ZNF609: variants seen among roughly 807,000 people sequenced by gnomAD.
ZNF609 encodes the protein zinc finger protein 609.
In ZNF609, 11 loss-of-function variants were observed where a neutral mutation model predicts 109.5. That is an observed-to-expected ratio of 0.10 (90% CI 0.06 to 0.17). The LOEUF (loss-of-function observed/expected upper bound fraction) is 0.17. ZNF609 is among the 10% of genes least tolerant of loss of function. The pLI is 1.00. For missense variants in ZNF609, 1,559 were observed against 1,772.4 expected, an observed-to-expected ratio of 0.88 and a Z score of 2.16; for synonymous variants, 646 against 662.0, an observed-to-expected ratio of 0.98 and a Z score of 0.37.
chr15:64,599,169 T>TG (rs1491164892), intron 2 of ZNF609, among the ~76,000 whole-genome samples: 50 of 78,824 alleles, frequency 6.3e-4, no homozygotes, highest in African/African-American at 4.3e-3. Context: ...TTTGTGGTGG[T>TG]TTTTTTTTTT....
intron 8 of ZNF609, 150 bp from the exon 9 acceptor site, chr15:64,681,159 C>A: frequency 1.3e-6 from 1 of 753,728 alleles, no homozygotes; most frequent in Admixed American, 2.3e-5. Context: ...AAACAATCAG[C>A]TGAGAAATAG....
intron 2 of ZNF609, chr15:64,593,033 C>T (rs1174414846): frequency 4.4e-6 from 7 of 1,588,790 alleles, no homozygotes; most frequent in Non-Finnish European, 6.0e-6. Flanking sequence ...CGGCCACATG[C>T]AGCCTATTCG....
chr15:64,595,217 C>T (rs1284685884), intron 2 of ZNF609, among the ~76,000 whole-genome samples: 2 of 151,612 alleles, frequency 1.3e-5, no homozygotes, highest in African/African-American at 2.4e-5. Context: ...AAAAATTAGC[C>T]GGGCGTGGTG....
intron 2 of ZNF609, among the ~76,000 whole-genome samples, chr15:64,566,305 G>C (rs1894777006): frequency 6.6e-6 from 1 of 152,182 alleles, no homozygotes; most frequent in South Asian, 2.1e-4. Context: ...ACTCCAGCTG[G>C]GGCCACAGAT....
At chr15:64,561,552 C>CTTTTTTTTTTTTT (rs771022478) in intron 2 of ZNF609, among the ~76,000 whole-genome samples, 3 of 129,908 alleles carry the variant, frequency 2.3e-5, no homozygotes, top group Non-Finnish European at 5.0e-5. Context: ...TTTTCTTTTT[C>CTTTTTTTTTTTTT]TTTTTTTTTT....
chr15:64,593,295 C>G (rs1895334754), intron 2 of ZNF609: 3 of 1,461,744 alleles, frequency 2.1e-6, no homozygotes, highest in Non-Finnish European at 2.8e-6. Context: ...CCTGCGGGTG[C>G]TGCCCCACGT....
At chr15:64,571,406 T>C (rs1033283633) in intron 2 of ZNF609, among the ~76,000 whole-genome samples, 3 of 152,174 alleles carry the variant, frequency 2.0e-5, no homozygotes, top group African/African-American at 7.2e-5. Flanking sequence ...AAATGTAGAA[T>C]ACATAGAATA....
chr15:64,674,884 C>T lies in ZNF609; in HGVS notation c.2030C>T (p.Thr677Ile). The T allele has an allele frequency of 2.5e-6, 4 of 1,614,170 alleles. No homozygotes were observed. Among genetic ancestry groups the T allele is most frequent in the Non-Finnish European group, 3.4e-6 (4 of 1,180,048 alleles). ...QIYTFQTATF[T>I]AASPGSSSGL... ...TACACCTTCCAGACAGCCACCTTCA[C>T]AGCAGCGAGCCCAGGCTCTTCCTCA... The change falls in exon 5 of 10, where the codon ACA (threonine) becomes ATA (isoleucine). Residue 677 changes from threonine (T) to isoleucine (I), a missense_variant. By Grantham distance (89) the Thr-to-Ile change is moderately conservative (BLOSUM62 -1). Coordinates refer to ENST00000326648, the MANE Select transcript of ZNF609 (RefSeq NM_015042.2).
chr15:64,478,220 G>C (rs954700245), intron 1 of ZNF609, among the ~76,000 whole-genome samples: 45 of 147,290 alleles, frequency 3.1e-4, no homozygotes, highest in African/African-American at 1.1e-3. Context: ...GTGGGGTCTT[G>C]CTGTGTTGCC....
chr15:64,602,308 T>C (rs1204645126), intron 2 of ZNF609, among the ~76,000 whole-genome samples: 1 of 152,194 alleles, frequency 6.6e-6, no homozygotes, highest in East Asian at 1.9e-4. Context: ...TGGCACCAAA[T>C]TGTCTGAGCC....
At chr15:64,639,136 A>G (rs904715279) in intron 3 of ZNF609, among the ~76,000 whole-genome samples, 59 of 152,292 alleles carry the variant, frequency 3.9e-4, no homozygotes, top group African/African-American at 1.3e-3. Context: ...GGACTTGCCT[A>G]TTGTAAAAAA....
At position 64,682,786 on chromosome 15, in the gene ZNF609, T is replaced by C. The variant is rs1477608825; in HGVS notation, c.*1100T>C. The stretch of plus-strand genomic sequence containing the variant: ...TCTTCCTCATTTGAGGCCACAGATA[T>C]ATACAGCCCAATTCCTCTGTCTACA... On this transcript the variant is annotated 3_prime_UTR_variant, in exon 10 of 10. Coordinates refer to ENST00000326648, the MANE Select transcript of ZNF609 (RefSeq NM_015042.2). 9 of 152,398 alleles carry C rather than the reference T, an allele frequency of 5.9e-5. No homozygotes were observed. The highest frequency in any genetic ancestry group is 1.2e-4 in the Non-Finnish European group (8 of 68,038). The allele number at this position is 152,398 out of a possible 1,614,324, so 9.4% of individuals were successfully genotyped here.
chr15:64,489,528 CTTTT>C (rs10577073), intron 1 of ZNF609, among the ~76,000 whole-genome samples: 22 of 113,648 alleles, frequency 1.9e-4, no homozygotes, highest in South Asian at 3.0e-4. Context: ...CCATTATTCA[CTTTT>C]TTTTTTTTTT....
chr15:64,679,258 G>A (rs1203445712), intron 6 of ZNF609, among the ~76,000 whole-genome samples: 1 of 152,152 alleles, frequency 6.6e-6, no homozygotes, highest in Non-Finnish European at 1.5e-5. Context: ...TTTTAGTAGA[G>A]ACGGTGTTCT....
intron 1 of ZNF609, among the ~76,000 whole-genome samples, chr15:64,468,184 T>A (rs544232751): frequency 6.6e-6 from 1 of 151,300 alleles, no homozygotes; most frequent in Non-Finnish European, 1.5e-5. Flanking sequence ...ACCCAGCTAA[T>A]TTTTTTTTCC....
At chr15:64,636,982 A>G (rs28758953) in intron 3 of ZNF609, among the ~76,000 whole-genome samples, 1 of 152,202 alleles carries the variant, frequency 6.6e-6, no homozygotes, top group Non-Finnish European at 1.5e-5. Flanking sequence ...AAGTGAACAC[A>G]CCATGTGATA....
intron 3 of ZNF609, among the ~76,000 whole-genome samples, chr15:64,626,084 G>A (rs1052757134): frequency 2.0e-5 from 3 of 151,530 alleles, no homozygotes; most frequent in South Asian, 2.1e-4. Flanking sequence ...GATCAGTCTC[G>A]TTGTCTAAAT....
chr15:64,646,939 C>CAAAAAAAAAAAAAAA (rs10628744), intron 3 of ZNF609, among the ~76,000 whole-genome samples: 1 of 59,804 alleles, frequency 1.7e-5, no homozygotes, highest in Non-Finnish European at 3.1e-5. Flanking sequence ...GACTCTGTCT[C>CAAAAAAAAAAAAAAA]AAAAAAAAAA....
At chr15:64,548,411 AT>A (rs771972909) in intron 2 of ZNF609, among the ~76,000 whole-genome samples, 2 of 152,202 alleles carry the variant, frequency 1.3e-5, no homozygotes, top group Non-Finnish European at 2.9e-5. Flanking sequence ...ATTAAATCAA[AT>A]GCTTTTCTTT....
Sources: gnomAD v4.1 joint callset for allele counts (sites outside exome capture counted in the v4.1 genomes callset) on GRCh38, gnomAD v4.1.1 for gene constraint, MANE v1.5 for transcripts, NCBI Gene and HGNC (gene_info 2026-07-23, HGNC 2026-07-21) for gene names.